The following TENM4 variants were observed in gnomAD, a reference collection of about 807,000 sequenced individuals.
TENM4 encodes teneurin transmembrane protein 4.
In TENM4, 82 loss-of-function variants were observed where a neutral mutation model predicts 243.3. The observed-to-expected ratio is 0.34, with a 90% CI of 0.28 to 0.40. The LOEUF is 0.40. TENM4 is among the 10% of genes least tolerant of loss of function. TENM4 has a pLI of 1.00. For synonymous variants in TENM4, 1,412 were observed against 1,456.3 expected, an observed-to-expected ratio of 0.97 and a Z score of 0.69; for missense variants, 3,138 against 3,673.3, an observed-to-expected ratio of 0.85 and a Z score of 3.77.
chr11:79,233,750 C>G (rs1385510428), intron 2 of TENM4, among the ~76,000 whole-genome samples: 1 of 152,154 alleles, frequency 6.6e-6, no homozygotes, highest in Non-Finnish European at 1.5e-5. Flanking sequence ...CCAGGTGGCC[C>G]TTTGTGAACT....
At chr11:79,135,228 A>G (rs1336825758) in intron 4 of TENM4, among the ~76,000 whole-genome samples, 1 of 152,202 alleles carries the variant, frequency 6.6e-6, no homozygotes. Flanking sequence ...TGAAGGGCCA[A>G]CAAACATATG....
intron 28 of TENM4, among the ~76,000 whole-genome samples, chr11:78,695,456 T>C (rs1176601632): frequency 6.6e-6 from 1 of 152,136 alleles, no homozygotes; most frequent in African/African-American, 2.4e-5. Context: ...CTCCGCCTCC[T>C]GGATTTAAGT....
chr11:79,139,088 C>A (rs1355632643), intron 4 of TENM4, among the ~76,000 whole-genome samples: 391 of 19,754 alleles, frequency 0.02, 46 homozygotes, highest in Non-Finnish European at 0.025. Flanking sequence ...TATTATATTT[C>A]TATAAATATA....
intron 2 of TENM4, among the ~76,000 whole-genome samples, chr11:79,223,591 T>G (rs150933523): frequency 6.6e-6 from 1 of 152,248 alleles, no homozygotes; most frequent in East Asian, 1.9e-4. Flanking sequence ...CTCTCCCCTA[T>G]AGCAAGCAGT....
chr11:79,247,010 C>G (rs1364225908), intron 2 of TENM4, among the ~76,000 whole-genome samples: 1 of 148,422 alleles, frequency 6.7e-6, no homozygotes, highest in Non-Finnish European at 1.5e-5. Context: ...ACCCCCCCAC[C>G]CCCAAAACAA....
chr11:78,889,898 G>A lies in TENM4; in HGVS notation c.971C>T (p.Ala324Val), dbSNP rs998880480. The change falls in exon 9 of 34, where the codon GCC becomes GTC. Residue 324 changes from alanine to valine, a missense_variant. By Grantham distance (64) the Ala-to-Val change is moderately conservative. Transcript: ENST00000278550. ...PPRPLPRSTF[A>V]RPAFNLKKPS... ...CTTCTTGAGGTTAAAGGCCGGCCGG[G>A]CGAAGGTGCTGCGGGGCAGGGGTCG... 3.2e-6 allele frequency: 5 copies of A among 1,551,718 alleles called. No individual in the cohort carries two copies. In the African/African-American group the frequency reaches 4.1e-5, roughly 13 times the overall value.
intron 4 of TENM4, chr11:79,092,902 C>T (rs1468475179): frequency 6.6e-6 from 1 of 152,214 alleles, no homozygotes; most frequent in African/African-American, 2.4e-5. Flanking sequence ...CTCTAATTCT[C>T]AGAGCCTTGT....
intron 4 of TENM4, among the ~76,000 whole-genome samples, chr11:79,107,650 G>A (rs568508710): frequency 6.6e-6 from 1 of 152,264 alleles, no homozygotes; most frequent in Middle Eastern, 3.4e-3. Flanking sequence ...CCTTCCCAGT[G>A]GTCTCAGATC....
intron 14 of TENM4, among the ~76,000 whole-genome samples, chr11:78,809,385 C>A (rs1717493908): frequency 6.6e-6 from 1 of 152,228 alleles, no homozygotes; most frequent in African/African-American, 2.4e-5. Context: ...GAAATCTAGG[C>A]TGAACTGGCT....
Position 78,890,032 on chromosome 11 carries a change from G to A in TENM4, c.849-12C>T, listed in dbSNP as rs1855628120. The A allele has an allele frequency of 6.6e-7, 1 of 1,523,238 alleles. No homozygotes were observed. The highest frequency in any genetic ancestry group is 2.5e-5 in the East Asian group (1 of 40,544). 94.4% of individuals were successfully genotyped at this position (1,523,238 alleles called of 1,614,324 possible). A position where few individuals can be genotyped will look rare whatever the true frequency, so the allele number is the denominator to read the frequency against. ...TGAAGAGGAAGTGCCTGCAGATGGA[G>A]AGCAGCAAGAGGGTGTCAGGGGCTG... On this transcript the variant is annotated splice_polypyrimidine_tract_variant and intron_variant, in intron 8 of 33. Transcript: ENST00000278550.
At chr11:79,430,880 A>G (rs915243265) in intron 1 of TENM4, among the ~76,000 whole-genome samples, 1 of 152,222 alleles carries the variant, frequency 6.6e-6, no homozygotes, top group Non-Finnish European at 1.5e-5. Flanking sequence ...CAGTTTTAAC[A>G]TTAGAAAGAA....
chr11:79,033,647 G>A (rs1261300086), intron 6 of TENM4, among the ~76,000 whole-genome samples: 7 of 152,202 alleles, frequency 4.6e-5, no homozygotes, highest in Non-Finnish European at 1.0e-4. Context: ...ATGCCTACTT[G>A]GACAGGTGGG....
intron 1 of TENM4, among the ~76,000 whole-genome samples, chr11:79,377,911 C>A (rs1159369211): frequency 1.3e-5 from 2 of 152,168 alleles, no homozygotes; most frequent in African/African-American, 2.4e-5. Flanking sequence ...CCAAGGGCAC[C>A]TTTCCCATCC....
Position 78,720,402 on chromosome 11 carries a change from C to A in TENM4, c.3801-12G>T. ...TGAAATCTTTATTTCTGACAGAAGA[C>A]AGGAGAGCAGGGAATAGAAGAAAGA... On this transcript the variant is annotated splice_polypyrimidine_tract_variant and intron_variant, in intron 24 of 33. Coordinates refer to ENST00000278550, the MANE Select transcript of TENM4 (RefSeq NM_001098816.3). The A allele has an allele frequency of 6.2e-7, 1 of 1,613,778 alleles. No individual in the cohort carries two copies. Among genetic ancestry groups the A allele is most frequent in the Non-Finnish European group, 8.5e-7 (1 of 1,179,842 alleles).
chr11:79,181,724 C>T (rs1032255170), intron 3 of TENM4, among the ~76,000 whole-genome samples: 7 of 151,482 alleles, frequency 4.6e-5, no homozygotes, highest in Admixed American at 1.3e-4. Flanking sequence ...AAAAGAAAGT[C>T]CTGGAACTAA....
chr11:79,008,451 AC>A (rs1429220752), intron 6 of TENM4, among the ~76,000 whole-genome samples: 17 of 152,354 alleles, frequency 1.1e-4, no homozygotes, highest in African/African-American at 3.6e-4. Context: ...CATCATTCAC[AC>A]AACACTATTA....
intron 4 of TENM4, among the ~76,000 whole-genome samples, chr11:79,119,305 A>G (rs1180592228): frequency 6.6e-6 from 1 of 151,572 alleles, no homozygotes; most frequent in Non-Finnish European, 1.5e-5. Flanking sequence ...CAACCAACAA[A>G]TGTCTGGGTA....
chr11:79,217,193 A>G (rs1038976303), intron 2 of TENM4, among the ~76,000 whole-genome samples: 1 of 152,320 alleles, frequency 6.6e-6, no homozygotes, highest in South Asian at 2.1e-4. Flanking sequence ...AAAGAAGGGT[A>G]AGGGGGAGGT....
intron 2 of TENM4, among the ~76,000 whole-genome samples, chr11:79,248,025 C>T (rs970096404): frequency 1.2e-4 from 19 of 152,284 alleles, no homozygotes; most frequent in South Asian, 2.1e-4. Context: ...CTTATAAACA[C>T]GCAGGGCTGG....
Sources: allele counts gnomAD v4.1 joint callset (sites outside exome capture counted in the v4.1 genomes callset), GRCh38; gene constraint gnomAD v4.1.1; transcripts MANE v1.5; gene names NCBI Gene and HGNC (gene_info 2026-07-23, HGNC 2026-07-21).